Variants in MROH1 observed in about 807,000 individuals in gnomAD.
MROH1 encodes the protein maestro heat like repeat family member 1, also known as maestro heat-like repeat-containing protein family member 1.
MROH1 carries 117 observed loss-of-function variants against 116.5 expected under a neutral mutation model. The ratio of observed to expected loss-of-function variants is 1.00; its 90% CI spans 0.86 to 1.17. The LOEUF is 1.17. Among genes scored for constraint, MROH1 ranks in the 50% most tolerant of loss-of-function variants. The probability of loss-of-function intolerance (pLI) is 0.00; values close to 1 mark genes in which losing one functional copy is unlikely to be tolerated. For missense variants in MROH1, 1,873 were observed against 1,338.5 expected (o/e 1.40, Z -6.23); for synonymous variants, 921 against 583.9 (o/e 1.58, Z -8.32).
intron 15 of MROH1, 41 bp downstream of exon 15, chr8:144,238,904 C>T (rs1840495120): frequency 2.6e-6 from 2 of 769,486 alleles, no homozygotes; most frequent in South Asian, 2.7e-5. Context: ...GACAACAGAG[C>T]TCTCCAGGGC....
chr8:144,187,439 A>C (rs1438406256), intron 7 of MROH1, among the ~76,000 whole-genome samples: 1 of 152,156 alleles, frequency 6.6e-6, no homozygotes, highest in African/African-American at 2.4e-5. Context: ...AAAATCCTAC[A>C]ATCACCCACA....
chr8:144,156,771 GTT>G (rs1818228650), intron 1 of MROH1, among the ~76,000 whole-genome samples: 1 of 121,410 alleles, frequency 8.2e-6, no homozygotes, highest in African/African-American at 3.0e-5. Context: ...TTGCTTTGTA[GTT>G]TAATTTCTTT....
intron 10 of MROH1, among the ~76,000 whole-genome samples, chr8:144,195,520 A>G (rs1463402046): frequency 2.0e-5 from 3 of 147,678 alleles, no homozygotes; most frequent in Non-Finnish European, 3.0e-5. Flanking sequence ...AAAAAAAAAA[A>G]AAAAAGAAAC....
intron 12 of MROH1, among the ~76,000 whole-genome samples, chr8:144,219,083 T>C (rs1301556039): frequency 3.3e-5 from 5 of 150,662 alleles, no homozygotes; most frequent in African/African-American, 1.2e-4. Context: ...AGTGCAGTGG[T>C]GCGATCTCAG....
rs189261547 is a variant in MROH1 at position 144,176,662 on chromosome 8, C to G, written c.169-2793C>G. Among the ~76,000 whole-genome samples, 45 of 151,182 alleles carry G rather than the reference C, an allele frequency of 3.0e-4. No homozygotes were observed. The Middle Eastern group carries it at 0.014, about 47-fold the overall frequency. ...TGGCCAACACAGTGAAACCCTGTCT[C>G]TACTAAAAATACAAAAATTAGCCAG... On this transcript the variant is annotated intron_variant, in intron 4 of 43. Transcript: ENST00000326134.
At chr8:144,261,076 G>A (rs1274466712) in intron 41 of MROH1, 35 bp downstream of exon 41, 2 of 774,344 alleles carry the variant, frequency 2.6e-6, no homozygotes, top group East Asian at 2.4e-5. Context: ...GTGGTGGGTG[G>A]GGCGGGGCCA....
intron 34 of MROH1, among the ~76,000 whole-genome samples, 152 bp from the exon 35 acceptor site, chr8:144,255,357 G>C (rs1843540026): frequency 6.6e-6 from 1 of 152,230 alleles, no homozygotes; most frequent in Admixed American, 6.5e-5. Context: ...AAGCCATGCA[G>C]TGGTGCGCCT....
intron 35 of MROH1, among the ~76,000 whole-genome samples, chr8:144,256,229 T>A (rs1477037445): frequency 6.6e-6 from 1 of 151,742 alleles, no homozygotes; most frequent in Non-Finnish European, 1.5e-5. Flanking sequence ...GCTGACACCC[T>A]GGGCAGGCGT....
chr8:144,149,362 T>C (rs1816186745), intron 1 of MROH1, among the ~76,000 whole-genome samples: 1 of 152,152 alleles, frequency 6.6e-6, no homozygotes, highest in Non-Finnish European at 1.5e-5. Flanking sequence ...AACTTGAAAC[T>C]GACGTGCAGG....
In MROH1 at chr8:144,240,666, C is replaced by T; in HGVS notation, c.1924C>T (p.Pro642Ser). Residue 642 changes from proline (P) to serine (S), a missense_variant, in exon 20 of 44, where the codon CCC (proline) becomes TCC (serine). Pro to Ser is a moderately conservative substitution (Grantham distance 74). Transcript: ENST00000326134. ...GCAGCTGCCCTGCTACGATGAGGCA[C>T]CCCAGGAGAAGGTGGGGCACCTGCT... ...CRQLPCYDEA[P>S]QEKNFLYKCI... 5 of 716,894 alleles carry T rather than the reference C, an allele frequency of 7.0e-6. No individual in the cohort carries two copies. Among genetic ancestry groups the T allele is most frequent in the Non-Finnish European group, 1.0e-5 (4 of 384,956 alleles). 44.4% of individuals were successfully genotyped at this position (716,894 alleles called of 1,614,324 possible).
intron 23 of MROH1, 22 bp from the exon 24 acceptor site, chr8:144,242,575 TAACTC>T (rs1397224860): frequency 2.6e-6 from 2 of 780,228 alleles, no homozygotes; most frequent in Non-Finnish European, 4.8e-6. Context: ...AGTCACGTCT[TAACTC>T]ATTTCACTTT....
chr8:144,209,810 G>T (rs966268141), intron 12 of MROH1, among the ~76,000 whole-genome samples: 1 of 150,966 alleles, frequency 6.6e-6, no homozygotes, highest in Non-Finnish European at 1.5e-5. Flanking sequence ...GGGGACTGAG[G>T]TGAGAGGATC....
chr8:144,235,999 C>T (rs1839976956), intron 14 of MROH1, among the ~76,000 whole-genome samples: 1 of 152,176 alleles, frequency 6.6e-6, no homozygotes, highest in Admixed American at 6.6e-5. Context: ...ACATGGAGAC[C>T]ATAATGTCAC....
At position 144,175,919 on chromosome 8, in the gene MROH1, C is replaced by T. The variant is rs534971052; in HGVS notation, c.169-3536C>T. ...CAAAAATTATCCAGGCGTGGTGGCA[C>T]GCGCCTGTAGTTCCAGCTGCTCAGG... On this transcript the variant is annotated intron_variant, in intron 4 of 43. Coordinates refer to ENST00000326134, the MANE Select transcript of MROH1 (RefSeq NM_032450.3). Among the ~76,000 whole-genome samples, 12 of 152,202 alleles carry T rather than the reference C, an allele frequency of 7.9e-5. 1 individual carries two copies. The highest frequency in any genetic ancestry group is 3.4e-3 in the Middle Eastern group (1 of 294).
At chr8:144,185,143 A>G (rs1826635293) in intron 7 of MROH1, among the ~76,000 whole-genome samples, 1 of 152,134 alleles carries the variant, frequency 6.6e-6, no homozygotes, top group Non-Finnish European at 1.5e-5. Context: ...ATTTCTGTGC[A>G]GTGTGTCGCT....
In MROH1 at chr8:144,180,440, C is replaced by G. The variant is rs765192179; in HGVS notation, c.479C>G (p.Pro160Arg). Residue 160 changes from proline to arginine, a missense_variant, in exon 7 of 44, where the codon CCC (proline) becomes CGC (arginine). Physicochemically the swap from Pro to Arg is moderately radical, Grantham distance 103 (BLOSUM62 -2). Transcript: ENST00000326134. This position sits in a 1 kb window ranked among gnomAD's most constrained non-coding sequence, Gnocchi z 7.4. ...LSVANAFGVV[P>R]FLPSVLSSLL... ...TCTCTCACAGCGTTCGGCGTAGTCC[C>G]CTTCCTGCCATCCGTCCTGAGCTCC... 26 of 1,613,064 alleles carry G rather than the reference C, an allele frequency of 1.6e-5. No homozygotes were observed. Among genetic ancestry groups the G allele is most frequent in the Non-Finnish European group, 5.9e-6 (7 of 1,179,828 alleles).
chr8:144,241,580 G>T, intron 22 of MROH1, 63 bp downstream of exon 22: 1 of 774,200 alleles, frequency 1.3e-6, no homozygotes, highest in Non-Finnish European at 2.4e-6. Context: ...AGGCTCAGGG[G>T]GTGCCCTGCG....
chr8:144,149,527 G>C lies in MROH1; in HGVS notation c.-177+1451G>C, dbSNP rs980930979. Reference sequence around the variant, plus strand: ...TCTCCTGTGTCAGGAAACAGGTGCTGGTGCTTAGTTTTCTTTCCCAGGGTC... The same window carrying C: ...TCTCCTGTGTCAGGAAACAGGTGCTCGTGCTTAGTTTTCTTTCCCAGGGTC... On this transcript the variant is annotated intron_variant, in intron 1 of 43. Coordinates refer to ENST00000326134, the MANE Select transcript of MROH1 (RefSeq NM_032450.3). Among the ~76,000 whole-genome samples, 1,095 of 152,210 alleles carry C rather than the reference G, an allele frequency of 7.2e-3. 10 individuals are homozygous for C. The highest frequency in any genetic ancestry group is 0.025 in the African/African-American group (1,046 of 41,510).
intron 14 of MROH1, among the ~76,000 whole-genome samples, chr8:144,229,066 G>C (rs1175728369): frequency 1.3e-5 from 2 of 152,154 alleles, no homozygotes; most frequent in Non-Finnish European, 2.9e-5. Context: ...ATTCCGGTTT[G>C]ATCATGAGAT....
Sources: gnomAD v4.1 joint callset for allele counts (sites outside exome capture counted in the v4.1 genomes callset) on GRCh38, gnomAD v4.1.1 for gene constraint, Gnocchi (gnomAD v3.1) non-coding constraint, MANE v1.5 for transcripts, NCBI Gene and HGNC (gene_info 2026-07-23, HGNC 2026-07-21) for gene names.